AK9: variants seen among roughly 807,000 people sequenced by gnomAD.
The protein encoded by AK9 is adenylate kinase domain containing 1.
In AK9, 191 loss-of-function variants were observed where a neutral mutation model predicts 239.6. The observed-to-expected ratio is 0.80, with a 90% confidence interval of 0.71 to 0.90. AK9 has a LOEUF of 0.90. Among genes scored for constraint, AK9 ranks in the 40% least tolerant of loss-of-function variants. AK9 has a pLI of 0.00. For missense variants in AK9, 1,995 were observed against 2,214.7 expected (o/e 0.90, Z 1.99); for synonymous variants, 689 against 721.0 (o/e 0.96, Z 0.71).
intron 21 of AK9, among the ~76,000 whole-genome samples, chr6:109,566,686 A>T (rs1353740650): frequency 6.6e-6 from 1 of 152,178 alleles, no homozygotes; most frequent in Non-Finnish European, 1.5e-5. Flanking sequence ...AAAGGCATAC[A>T]GAGTGGTATA....
At chr6:109,535,680 C>A (rs1001530279) in intron 27 of AK9, among the ~76,000 whole-genome samples, 1 of 152,168 alleles carries the variant, frequency 6.6e-6, no homozygotes, top group African/African-American at 2.4e-5. Flanking sequence ...AGTCCTTGCC[C>A]ATGCCTGTGT....
At chr6:109,637,288 T>C (rs1010203646) in intron 10 of AK9, among the ~76,000 whole-genome samples, 1 of 152,248 alleles carries the variant, frequency 6.6e-6, no homozygotes, top group African/African-American at 2.4e-5. Context: ...ATATTCTGCA[T>C]AGTAATCCCT....
chr6:109,577,071 C>T (rs997905402), intron 20 of AK9, among the ~76,000 whole-genome samples: 3 of 152,098 alleles, frequency 2.0e-5, no homozygotes, highest in African/African-American at 7.2e-5. Flanking sequence ...ACCTTGTGAT[C>T]GGCCCACCTC....
chr6:109,577,342 T>C (rs575494914), intron 20 of AK9, among the ~76,000 whole-genome samples: 34 of 152,294 alleles, frequency 2.2e-4, no homozygotes, highest in African/African-American at 7.9e-4. Flanking sequence ...ATGAAACCCA[T>C]TTGATCATGG....
chr6:109,670,056 A>G (rs1801847852), intron 5 of AK9, among the ~76,000 whole-genome samples: 1 of 152,212 alleles, frequency 6.6e-6, no homozygotes, highest in Non-Finnish European at 1.5e-5. Flanking sequence ...CAAATCCAGA[A>G]TGTGGGAAAC....
intron 29 of AK9, chr6:109,528,621 G>A (rs920673792): frequency 6.5e-6 from 3 of 460,054 alleles, no homozygotes; most frequent in African/African-American, 6.0e-5. Context: ...AGTTGCAGTT[G>A]CAGTTGCACT....
chr6:109,533,302 C>A lies in AK9; in HGVS notation c.3519G>T (p.Lys1173Asn). The A allele has an allele frequency of 6.2e-7, 1 of 1,611,060 alleles. No homozygotes were observed. The highest frequency in any genetic ancestry group is 8.5e-7 in the Non-Finnish European group (1 of 1,178,986). ...AQIEKWKLKQ[K>N]KKLERKKLIK... ...TCAGTTTCTTCCTTTCTAATTTCTT[C>A]TTTTGTTTTAGTTTCCACTTTTCAA... Residue 1173 changes from lysine to asparagine, a missense_variant, in exon 28 of 41, where the codon AAG becomes AAT. Transcript: ENST00000424296.
At chr6:109,545,537 C>T (rs1783436851) in intron 26 of AK9, among the ~76,000 whole-genome samples, 1 of 152,204 alleles carries the variant, frequency 6.6e-6, no homozygotes, top group Non-Finnish European at 1.5e-5. Flanking sequence ...TCTTTGCCTG[C>T]TGCCATCCAC....
chr6:109,641,437 G>T, intron 10 of AK9, 81 bp downstream of exon 10: 1 of 1,067,630 alleles, frequency 9.4e-7, no homozygotes. Flanking sequence ...ATCCTCCCAT[G>T]GGATTACAGG....
chr6:109,502,661 T>C (rs1032957075), intron 35 of AK9, among the ~76,000 whole-genome samples: 6 of 152,244 alleles, frequency 3.9e-5, no homozygotes, highest in Admixed American at 1.3e-4. Flanking sequence ...GGACACTCTT[T>C]CTTGCCCTTT....
intron 8 of AK9, among the ~76,000 whole-genome samples, chr6:109,655,191 A>G (rs1799516014): frequency 6.6e-6 from 1 of 152,160 alleles, no homozygotes; most frequent in African/African-American, 2.4e-5. Context: ...AGAGTTCTTT[A>G]CCATATCCTT....
chr6:109,576,884 G>A (rs1431458933), intron 20 of AK9, among the ~76,000 whole-genome samples: 1 of 150,222 alleles, frequency 6.7e-6, no homozygotes, highest in African/African-American at 2.5e-5. Context: ...AGGCTGGAGT[G>A]CAGTGGCATG....
intron 3 of AK9, among the ~76,000 whole-genome samples, chr6:109,673,809 C>A (rs146484012): frequency 1.3e-5 from 2 of 151,654 alleles, no homozygotes; most frequent in African/African-American, 2.4e-5. Flanking sequence ...AACAGAAGGG[C>A]AAAACATTAT....
chr6:109,525,676 T>C (rs1253555516), intron 29 of AK9, among the ~76,000 whole-genome samples: 1 of 152,156 alleles, frequency 6.6e-6, no homozygotes, highest in African/African-American at 2.4e-5. Context: ...TTAGTGAGGT[T>C]ATGAAGAAAA....
chr6:109,639,700 GT>G (rs1797157962), intron 10 of AK9, among the ~76,000 whole-genome samples: 1 of 152,174 alleles, frequency 6.6e-6, no homozygotes, highest in African/African-American at 2.4e-5. Context: ...TGCTTTTGGT[GT>G]TTTAGTCATG....
chr6:109,681,569 T>C (rs1428421115), intron 1 of AK9, among the ~76,000 whole-genome samples: 1 of 152,130 alleles, frequency 6.6e-6, no homozygotes, highest in Non-Finnish European at 1.5e-5. Context: ...TATTCAGGAC[T>C]TGAACTCAGC....
intron 6 of AK9, among the ~76,000 whole-genome samples, chr6:109,661,993 T>C (rs1027723821): frequency 2.6e-5 from 4 of 152,188 alleles, no homozygotes; most frequent in Non-Finnish European, 5.9e-5. Context: ...TCTTTAACAT[T>C]CATACATTCA....
intron 24 of AK9, among the ~76,000 whole-genome samples, chr6:109,560,738 C>T (rs1216974182): frequency 6.6e-6 from 1 of 152,014 alleles, no homozygotes; most frequent in Non-Finnish European, 1.5e-5. Flanking sequence ...TCTTTCCTTG[C>T]TTTTAATGTC....
Position 109,521,012 on chromosome 6 carries a change from T to C in AK9, c.3634-4370A>G, listed in dbSNP as rs184879764. Among the ~76,000 whole-genome samples, 20 of 152,268 alleles carry C rather than the reference T, an allele frequency of 1.3e-4. No individual in the cohort carries two copies. In the East Asian group the frequency reaches 3.9e-3, roughly 29 times the overall value. ...TTCAGTGACCTTTTGGCAGAGTCTT[T>C]AGGGTTTTACAGGTATAGAATTATA... On this transcript the variant is annotated intron_variant, in intron 29 of 40. Transcript: ENST00000424296.
Sources: allele counts gnomAD v4.1 joint callset (sites outside exome capture counted in the v4.1 genomes callset), GRCh38; gene constraint gnomAD v4.1.1; transcripts MANE v1.5; gene names NCBI Gene and HGNC (gene_info 2026-07-23, HGNC 2026-07-21).